Variants in TNKS observed in about 807,000 individuals in gnomAD.
The protein encoded by TNKS is tankyrase.
In TNKS, 72 loss-of-function variants were observed where a neutral mutation model predicts 135.8. The observed-to-expected ratio is 0.53, with a 90% confidence interval of 0.44 to 0.64. The LOEUF is 0.64. Ranked by LOEUF, TNKS falls within the 30% of genes least tolerant of loss-of-function variation. The probability of loss-of-function intolerance (pLI) is 0.00; values close to 1 mark genes in which losing one functional copy is unlikely to be tolerated. For missense variants in TNKS, 1,769 were observed against 1,674.0 expected, an observed-to-expected ratio of 1.06 and a Z score of -0.99; for synonymous variants, 849 against 649.3, an observed-to-expected ratio of 1.31 and a Z score of -4.68.
chr8:9,588,449 T>C (rs1179362343), intron 2 of TNKS, among the ~76,000 whole-genome samples: 2 of 152,086 alleles, frequency 1.3e-5, no homozygotes, highest in Non-Finnish European at 2.9e-5. Flanking sequence ...TAATTTTTTA[T>C]GTATTTTTAG....
intron 3 of TNKS, among the ~76,000 whole-genome samples, chr8:9,672,603 A>G (rs1481082096): frequency 6.9e-6 from 1 of 145,604 alleles, no homozygotes; most frequent in Non-Finnish European, 1.5e-5. Flanking sequence ...CAAATAGGGA[A>G]TTTACTTTTC....
rs1358556858 is a variant in TNKS, at chr8:9,781,178, C to T, written c.*4442C>T. 6.6e-6 allele frequency: 1 copy of T among 152,108 alleles called. No homozygotes were observed. Among genetic ancestry groups the T allele is most frequent in the Non-Finnish European group, 1.5e-5 (1 of 68,022 alleles). The allele number at this position is 152,108 out of a possible 1,614,324, so 9.4% of individuals were successfully genotyped here. ...CACTGTAGATTGCATTTCGGCTTTT[C>T]CTCCTTTCACATTCTTTTTTGCTTT... On this transcript the variant is annotated 3_prime_UTR_variant, in exon 27 of 27. Coordinates refer to ENST00000310430, the MANE Select transcript of TNKS (RefSeq NM_003747.3).
At chr8:9,594,028 A>T (rs1798682977) in intron 2 of TNKS, among the ~76,000 whole-genome samples, 1 of 152,102 alleles carries the variant, frequency 6.6e-6, no homozygotes, top group South Asian at 2.1e-4. Context: ...CTGGGACTGT[A>T]GGAACCCGCC....
At chr8:9,561,989 G>T (rs952502362) in intron 1 of TNKS, among the ~76,000 whole-genome samples, 7 of 152,034 alleles carry the variant, frequency 4.6e-5, no homozygotes, top group African/African-American at 1.7e-4. Context: ...GCTAATTTTT[G>T]TATTTTTAGT....
chr8:9,742,851 T>C (rs1806039433), intron 17 of TNKS, among the ~76,000 whole-genome samples: 1 of 151,380 alleles, frequency 6.6e-6, no homozygotes, highest in Non-Finnish European at 1.5e-5. Flanking sequence ...TACATACATT[T>C]ATATATTTAA....
intron 3 of TNKS, among the ~76,000 whole-genome samples, chr8:9,639,732 G>A (rs1432220691): frequency 2.0e-5 from 3 of 152,098 alleles, no homozygotes; most frequent in Non-Finnish European, 4.4e-5. Flanking sequence ...TATCTTAGGG[G>A]ATTCTGGTTT....
intron 5 of TNKS, among the ~76,000 whole-genome samples, chr8:9,699,532 A>G (rs938947113): frequency 5.3e-5 from 8 of 151,528 alleles, no homozygotes; most frequent in South Asian, 2.1e-4. Flanking sequence ...CATGCATTTT[A>G]TTTATTTCTA....
intron 2 of TNKS, among the ~76,000 whole-genome samples, chr8:9,600,098 C>G (rs1023183577): frequency 6.6e-6 from 1 of 152,016 alleles, no homozygotes; most frequent in African/African-American, 2.4e-5. Context: ...ATATTATCTC[C>G]TGATTTACAG....
At chr8:9,687,136 T>C (rs1585327806) in intron 5 of TNKS, among the ~76,000 whole-genome samples, 1 of 152,190 alleles carries the variant, frequency 6.6e-6, no homozygotes, top group Non-Finnish European at 1.5e-5. Flanking sequence ...CTCTATGGCC[T>C]ATAGTGACCT....
In TNKS at chr8:9,604,413, A is replaced by G. The variant is rs555654616; in HGVS notation, c.899-11169A>G. 3.9e-5 allele frequency among the ~76,000 whole-genome samples: 6 copies of G among 152,244 alleles called. No homozygotes were observed. The East Asian group carries it at 9.6e-4, about 24-fold the overall frequency. ...AGGAATATGGGGTTTTTACAGCTGC[A>G]AAATAATTGCTTTTTGCAAGTTGGT... On this transcript the variant is annotated intron_variant, in intron 2 of 26. Coordinates refer to ENST00000310430, the MANE Select transcript of TNKS (RefSeq NM_003747.3).
intron 5 of TNKS, among the ~76,000 whole-genome samples, chr8:9,693,699 T>C (rs917069843): frequency 1.3e-5 from 2 of 152,158 alleles, no homozygotes; most frequent in East Asian, 1.9e-4. Flanking sequence ...AAGGATGATA[T>C]GTAGAACACA....
intron 13 of TNKS, 88 bp from the exon 14 acceptor site, chr8:9,730,802 T>C: frequency 1.4e-6 from 2 of 1,394,284 alleles, no homozygotes; most frequent in Non-Finnish European, 2.0e-6. Context: ...AATTTACTTA[T>C]CCAAGATGTT....
chr8:9,673,446 T>TC (rs1456749025), intron 3 of TNKS, among the ~76,000 whole-genome samples: 2 of 148,366 alleles, frequency 1.3e-5, no homozygotes, highest in Non-Finnish European at 3.0e-5. Context: ...TTTTGGATTT[T>TC]TTTTTTTTTT....
chr8:9,761,670 A>G, intron 21 of TNKS, 34 bp downstream of exon 21: 2 of 1,578,912 alleles, frequency 1.3e-6, no homozygotes, highest in Non-Finnish European at 1.7e-6. Context: ...AAATTTCAGA[A>G]ATCAGTGGTA....
chr8:9,725,459 G>A (rs1805117542), intron 12 of TNKS, among the ~76,000 whole-genome samples: 1 of 151,990 alleles, frequency 6.6e-6, no homozygotes, highest in South Asian at 2.1e-4. Flanking sequence ...ATCTTTTACT[G>A]AAGAATTGTC....
intron 2 of TNKS, among the ~76,000 whole-genome samples, chr8:9,597,586 C>T (rs180698421): frequency 1.5e-3 from 236 of 152,258 alleles, no homozygotes; most frequent in African/African-American, 5.2e-3. Context: ...TATGGAGAAT[C>T]GTTAATGTAA....
intron 3 of TNKS, among the ~76,000 whole-genome samples, chr8:9,677,583 ATTTAC>A (rs1384131736): frequency 1.3e-5 from 2 of 151,910 alleles, no homozygotes; most frequent in Non-Finnish European, 2.9e-5. Flanking sequence ...GACTGTCAGA[ATTTAC>A]TTTTTTTTTT....
intron 21 of TNKS, among the ~76,000 whole-genome samples, chr8:9,762,355 T>C (rs999643631): frequency 6.6e-6 from 1 of 152,250 alleles, no homozygotes; most frequent in Non-Finnish European, 1.5e-5. Flanking sequence ...CTTGCTTATT[T>C]ATCTGTATTT....
At chr8:9,598,765 GTATATATATATATATATATATATATA>G (rs71201956) in intron 2 of TNKS, among the ~76,000 whole-genome samples, 913 of 49,622 alleles carry the variant, frequency 0.018, 31 homozygotes, top group African/African-American at 0.058. Flanking sequence ...ATGTGTGTGT[GTATATATATATATATATATATATATA>G]TATATATATA....
Sources: allele counts gnomAD v4.1 joint callset (sites outside exome capture counted in the v4.1 genomes callset), GRCh38; gene constraint gnomAD v4.1.1; transcripts MANE v1.5; gene names NCBI Gene and HGNC (gene_info 2026-07-23, HGNC 2026-07-21).